Variants in MYOCD observed in about 807,000 individuals in gnomAD.
The protein encoded by MYOCD is myocardin.
In MYOCD, 32 loss-of-function variants were observed where a neutral mutation model predicts 96.1. That is an observed-to-expected ratio of 0.33 (90% CI 0.25 to 0.45). MYOCD has a LOEUF of 0.45. MYOCD is among the 20% of genes least tolerant of loss of function. The probability of loss-of-function intolerance (pLI) is 1.00; values close to 1 mark genes in which losing one functional copy is unlikely to be tolerated. For missense variants in MYOCD, 1,133 were observed against 1,200.6 expected (o/e 0.94, Z 0.83); for synonymous variants, 469 against 469.0 (o/e 1.00, Z 0.00).
At position 12,765,127 on chromosome 17, in the gene MYOCD, G is replaced by A. The variant is rs959896404; in HGVS notation, c.*1483G>A. On this transcript the variant is annotated 3_prime_UTR_variant, in exon 14 of 14. Coordinates refer to ENST00000425538, the MANE Select transcript of MYOCD (RefSeq NM_001146312.3). ...GGAAGGAAAAAGACAATGGTCTAAT[G>A]TGCATTCCTCATTACCTCTCGTGGC... 6.6e-6 allele frequency: 1 copy of A among 152,140 alleles called. No homozygotes were observed. The highest frequency in any genetic ancestry group is 2.4e-5 in the African/African-American group (1 of 41,428). The allele number at this position is 152,140 out of a possible 1,614,324, so 9.4% of individuals were successfully genotyped here. A position where few individuals can be genotyped will look rare whatever the true frequency, so the allele number is the denominator to read the frequency against.
chr17:12,668,789 G>A (rs911408581), intron 1 of MYOCD, among the ~76,000 whole-genome samples: 1 of 151,656 alleles, frequency 6.6e-6, no homozygotes, highest in Non-Finnish European at 1.5e-5. Flanking sequence ...ATGACTATAG[G>A]GTCATTGTGA....
intron 1 of MYOCD, among the ~76,000 whole-genome samples, chr17:12,701,511 TCTA>T (rs1442034994): frequency 1.3e-5 from 2 of 152,238 alleles, no homozygotes; most frequent in Admixed American, 6.5e-5. Flanking sequence ...GTCAATTTTT[TCTA>T]CTACTTGTCT....
At chr17:12,708,287 T>C (rs1190142649) in intron 2 of MYOCD, among the ~76,000 whole-genome samples, 1 of 152,248 alleles carries the variant, frequency 6.6e-6, no homozygotes, top group Non-Finnish European at 1.5e-5. Flanking sequence ...AAAATCTTGC[T>C]TTATTCATAA....
chr17:12,741,777 C>T (rs976469520), intron 7 of MYOCD, among the ~76,000 whole-genome samples: 1 of 151,768 alleles, frequency 6.6e-6, no homozygotes, highest in Admixed American at 6.6e-5. Context: ...TGATAGAAGC[C>T]CAGGAGATGA....
intron 2 of MYOCD, among the ~76,000 whole-genome samples, chr17:12,707,671 G>A (rs938885317): frequency 6.6e-5 from 10 of 152,054 alleles, no homozygotes; most frequent in South Asian, 2.1e-4. Flanking sequence ...CAGAGATCGC[G>A]CCACTGCACT....
rs2033250664 is a variant in MYOCD at position 12,763,565 on chromosome 17, G to A, written c.2882G>A (p.Ser961Asn). The A allele has an allele frequency of 1.2e-6, 2 of 1,614,040 alleles. No individual in the cohort carries two copies. Among genetic ancestry groups the A allele is most frequent in the Non-Finnish European group, 1.7e-6 (2 of 1,180,046 alleles). The change falls in exon 14 of 14, where the codon AGC becomes AAC. Residue 961 changes from serine to asparagine, a missense_variant. Transcript: ENST00000425538. ...AGCGCCCTCACCACCAGCAGCCCCA[G>A]CATCTTCAACATCGATTTCCTGGAT... ...GFSALTTSSPSIFNIDFLDVT... is the reference protein window; with the variant it reads ...GFSALTTSSPNIFNIDFLDVT...
intron 1 of MYOCD, among the ~76,000 whole-genome samples, chr17:12,685,859 G>A (rs1050688265): frequency 6.6e-6 from 1 of 152,170 alleles, no homozygotes; most frequent in Non-Finnish European, 1.5e-5. Context: ...CAAATAGCAA[G>A]GAATTGTTCA....
intron 1 of MYOCD, among the ~76,000 whole-genome samples, chr17:12,694,664 C>T (rs1021870284): frequency 2.6e-5 from 4 of 152,018 alleles, no homozygotes; most frequent in Non-Finnish European, 5.9e-5. Context: ...ATCAGAACAA[C>T]CTTTTAGGAG....
intron 1 of MYOCD, among the ~76,000 whole-genome samples, chr17:12,703,604 A>G (rs2031172502): frequency 6.6e-6 from 1 of 152,078 alleles, no homozygotes; most frequent in Non-Finnish European, 1.5e-5. Context: ...GCTCCACTTC[A>G]ATTAAATTAA....
At chr17:12,707,096 A>C (rs974677678) in intron 2 of MYOCD, among the ~76,000 whole-genome samples, 2 of 152,144 alleles carry the variant, frequency 1.3e-5, no homozygotes, top group Non-Finnish European at 2.9e-5. Flanking sequence ...GAAGCTAGAG[A>C]TAGGATGCAT....
In MYOCD at chr17:12,768,376, T is replaced by C. The variant is rs1289683766; in HGVS notation, c.*4732T>C. 3.3e-5 allele frequency: 5 copies of C among 152,222 alleles called. No homozygotes were observed. Among genetic ancestry groups the C allele is most frequent in the African/African-American group, 7.2e-5 (3 of 41,456 alleles). 9.4% of individuals were successfully genotyped at this position (152,222 alleles called of 1,614,324 possible). A position where few individuals can be genotyped will look rare whatever the true frequency, so the allele number is the denominator to read the frequency against. ...GCCAGGGAAATTATCACAGGACTCA[T>C]TGAATGCAATAACATGTGAGTAAGT... On this transcript the variant is annotated 3_prime_UTR_variant, in exon 14 of 14. Transcript: ENST00000425538.
intron 2 of MYOCD, among the ~76,000 whole-genome samples, chr17:12,709,061 T>C (rs911381130): frequency 6.6e-6 from 1 of 152,222 alleles, no homozygotes; most frequent in Non-Finnish European, 1.5e-5. Flanking sequence ...TGATGAGCAT[T>C]GAATGAAAGG....
intron 13 of MYOCD, 129 bp from the exon 14 acceptor site, chr17:12,762,944 A>T: frequency 2.8e-6 from 2 of 712,570 alleles, no homozygotes; most frequent in African/African-American, 1.8e-5. Flanking sequence ...CAGCTTAGAG[A>T]TGAGACTGGG....
chr17:12,715,434 C>T, intron 2 of MYOCD, 85 bp from the exon 3 acceptor site: 2 of 1,172,618 alleles, frequency 1.7e-6, no homozygotes, highest in Admixed American at 1.8e-5. Flanking sequence ...CTGTGCATAG[C>T]TCAGCAAGCA....
intron 7 of MYOCD, among the ~76,000 whole-genome samples, chr17:12,741,419 A>G (rs1455839680): frequency 6.6e-6 from 1 of 152,236 alleles, no homozygotes; most frequent in Non-Finnish European, 1.5e-5. Context: ...GCATAATTTA[A>G]GTTAGCAGTG....
intron 7 of MYOCD, among the ~76,000 whole-genome samples, chr17:12,742,015 GA>G (rs1195636970): frequency 6.6e-6 from 1 of 151,950 alleles, no homozygotes; most frequent in Non-Finnish European, 1.5e-5. Context: ...GCAACATAGA[GA>G]AAAAAAGCTC....
chr17:12,683,476 C>G (rs769123346), intron 1 of MYOCD, among the ~76,000 whole-genome samples: 1 of 152,106 alleles, frequency 6.6e-6, no homozygotes, highest in Admixed American at 6.6e-5. Context: ...CTCTCTCTCT[C>G]TCCCGCTCCT....
chr17:12,758,313 T>C, intron 12 of MYOCD, 100 bp downstream of exon 12: 1 of 1,559,724 alleles, frequency 6.4e-7, no homozygotes. Context: ...ATTCTGATAT[T>C]GAGTGTGTCA....
Position 12,768,893 on chromosome 17 carries a change from T to TA in MYOCD, c.*5249_*5250insA, listed in dbSNP as rs1402921440. The TA allele has an allele frequency of 2.6e-4, 39 of 148,668 alleles. No individual in the cohort carries two copies. The highest frequency in any genetic ancestry group is 8.5e-4 in the African/African-American group (34 of 39,920). The allele number at this position is 148,668 out of a possible 1,614,324, so 9.2% of individuals were successfully genotyped here. ...TACCAAAGTTGGCATGTGTTCTTTT[T>TA]TAAAAAAAAAAAAAAATGCATATAT... On this transcript the variant is annotated 3_prime_UTR_variant, in exon 14 of 14. Transcript: ENST00000425538.
Sources: allele counts gnomAD v4.1 joint callset (sites outside exome capture counted in the v4.1 genomes callset), GRCh38; gene constraint gnomAD v4.1.1; transcripts MANE v1.5; gene names NCBI Gene and HGNC (gene_info 2026-07-23, HGNC 2026-07-21).